VWF: variants seen among roughly 807,000 people sequenced by gnomAD.
VWF encodes von Willebrand factor.
VWF carries 176 observed loss-of-function variants against 308.6 expected under a neutral mutation model. The ratio of observed to expected loss-of-function variants is 0.57; its 90% confidence interval spans 0.50 to 0.65. The LOEUF is 0.65. VWF is among the 30% of genes least tolerant of loss of function. The pLI is 0.00. For synonymous variants in VWF, 1,385 were observed against 1,443.4 expected (o/e 0.96, Z 0.92); for missense variants, 3,146 against 3,648.2 (o/e 0.86, Z 3.55).
chr12:6,121,910 G>A (rs1161266367), intron 2 of VWF, among the ~76,000 whole-genome samples: 1 of 151,192 alleles, frequency 6.6e-6, no homozygotes, highest in African/African-American at 2.4e-5. Flanking sequence ...TAGACTGGGC[G>A]ACAGAGTGAG....
In VWF at chr12:6,023,690, T is replaced by C. The variant is rs267607319; in HGVS notation, c.3320A>G (p.Tyr1107Cys). 1 of 1,613,828 alleles carries C rather than the reference T, an allele frequency of 6.2e-7. No individual in the cohort carries two copies. The highest frequency in any genetic ancestry group is 1.3e-5 in the African/African-American group (1 of 74,936). Residue 1107 changes from tyrosine to cysteine, a missense_variant, in exon 25 of 52, where the codon TAT (tyrosine) becomes TGT (cysteine). Physicochemically the swap from Tyr to Cys is radical, Grantham distance 194 (BLOSUM62 -2). This residue lies in a region of VWF where 853 missense variants were observed against 1,177.8 expected (regional missense o/e 0.72). Transcript: ENST00000261405. ...GCCATGCTGGGCACACACGTGGGCA[T>C]AGGCAGCAATGGTGTCGCAGAAGCA... ...CACFCDTIAA[Y>C]AHVCAQHGKV... is the part of the protein sequence containing the mutation.
intron 16 of VWF, among the ~76,000 whole-genome samples, chr12:6,051,901 C>T (rs1235110096): frequency 1.3e-5 from 2 of 152,192 alleles, no homozygotes; most frequent in African/African-American, 4.8e-5. Context: ...ATGTGAGCCA[C>T]TGCCCCAGCC....
At position 5,969,275 on chromosome 12, in the gene VWF, A is replaced by G. The variant is rs1205711223; in HGVS notation, c.7665T>C (p.Pro2555=). 1 of 1,614,084 alleles carries G rather than the reference A, an allele frequency of 6.2e-7. No homozygotes were observed. The highest frequency in any genetic ancestry group is 2.2e-5 in the East Asian group (1 of 44,894). ...RNVSCPQLEV[P]VCPSGFQLSC... ...TCAGCTGAAAGCCCGAGGGGCAGAC[A>G]GGGACCTCCAGCTGGGGGCAGGAGA... The change falls in exon 45 of 52, where the codon CCT becomes CCC. Residue 2555 remains proline, a synonymous_variant. Coordinates refer to ENST00000261405, the MANE Select transcript of VWF (RefSeq NM_000552.5).
chr12:6,019,065 G>C lies in VWF; in HGVS notation c.4353C>G (p.Asp1451Glu). The C allele has an allele frequency of 1.2e-6, 2 of 1,613,810 alleles. No homozygotes were observed. Among genetic ancestry groups the C allele is most frequent in the African/African-American group, 2.7e-5 (2 of 74,976 alleles). ...GGTCACAGAGGTAGCTAACGATCTC[G>C]TCCCTTTGCTGCTCCAGCTCATCCA... ...SSVDELEQQR[D>E]EIVSYLCDLA... Residue 1451 changes from aspartate (D) to glutamate (E), a missense_variant, in exon 28 of 52, where the codon GAC (aspartate) becomes GAG (glutamate). Coordinates refer to ENST00000261405, the MANE Select transcript of VWF (RefSeq NM_000552.5). This position sits in a 1 kb window ranked among gnomAD's most constrained non-coding sequence, Gnocchi z 5.8.
intron 38 of VWF, among the ~76,000 whole-genome samples, chr12:5,987,611 G>A (rs562601040): frequency 2.4e-4 from 36 of 152,310 alleles, no homozygotes; most frequent in African/African-American, 8.4e-4. Context: ...AAATCTGAAT[G>A]AGAAAAATAA....
chr12:5,990,079 T>C (rs1943720958), intron 38 of VWF, among the ~76,000 whole-genome samples: 2 of 152,216 alleles, frequency 1.3e-5, no homozygotes, highest in South Asian at 4.1e-4. Flanking sequence ...AGTAGGACTT[T>C]AGCTCATCTA....
intron 8 of VWF, 146 bp downstream of exon 8, chr12:6,073,473 A>C: frequency 8.9e-7 from 1 of 1,128,264 alleles, no homozygotes; most frequent in South Asian, 1.3e-5. Context: ...AATCCTGATC[A>C]CGCTGGACAA....
At chr12:5,956,284 A>C (rs1176807318) in intron 47 of VWF, among the ~76,000 whole-genome samples, 1 of 152,214 alleles carries the variant, frequency 6.6e-6, no homozygotes, top group East Asian at 1.9e-4. Flanking sequence ...TAAAAATATA[A>C]AAAGTTAACT....
intron 7 of VWF, 143 bp from the exon 8 acceptor site, chr12:6,073,884 G>T (rs1163895614): frequency 1.4e-5 from 18 of 1,284,822 alleles, no homozygotes; most frequent in Non-Finnish European, 2.0e-5. Flanking sequence ...CTCACCCCCA[G>T]TGAGCCACGT....
intron 6 of VWF, among the ~76,000 whole-genome samples, chr12:6,085,682 G>T (rs1944960157): frequency 6.7e-6 from 1 of 150,350 alleles, no homozygotes; most frequent in South Asian, 2.1e-4. Context: ...ATGGACACAG[G>T]GAGGGGAACA....
intron 8 of VWF, among the ~76,000 whole-genome samples, chr12:6,072,964 T>G (rs887660710): frequency 6.6e-6 from 1 of 152,016 alleles, no homozygotes; most frequent in African/African-American, 2.4e-5. Context: ...CCGCCTGGGT[T>G]CAAGTGATTC....
chr12:6,124,267 A>G (rs1309527806), intron 1 of VWF, among the ~76,000 whole-genome samples, 154 bp downstream of exon 1: 2 of 152,166 alleles, frequency 1.3e-5, no homozygotes, highest in Non-Finnish European at 2.9e-5. Context: ...TGGAGGAGGG[A>G]GTATTAGGAT....
intron 5 of VWF, among the ~76,000 whole-genome samples, chr12:6,099,434 A>G (rs1034506452): frequency 1.3e-5 from 2 of 152,086 alleles, no homozygotes; most frequent in South Asian, 2.1e-4. Flanking sequence ...GAAAGCCCTC[A>G]TATGGATTTG....
rs1353200453 is a variant in VWF, at chr12:6,121,181, C to T, written c.213G>A (p.Ser71=). The T allele has an allele frequency of 5.0e-6, 8 of 1,614,160 alleles. 1 individual carries two copies. The East Asian group carries it at 6.7e-5, about 13-fold the overall frequency. Residue 71 remains serine, a synonymous_variant, in exon 3 of 52, where the codon TCG becomes TCA. Transcript: ENST00000261405. The part of the protein sequence containing the change: ...LAGGCQKRSF[S]IIGDFQNGKR... ...GCAGTGCCCAGAACTCACCAATAAT[C>T]GAGAAGGAGCGTTTCTGGCAGCCCC...
At chr12:6,006,492 A>G (rs1354180158) in intron 34 of VWF, among the ~76,000 whole-genome samples, 2 of 152,186 alleles carry the variant, frequency 1.3e-5, no homozygotes, top group African/African-American at 4.8e-5. Flanking sequence ...AAATAAAATA[A>G]AACAGCCAGG....
rs139155319 is a variant in VWF, at chr12:6,011,351, A to G, written c.5842+266T>C. Among the ~76,000 whole-genome samples the G allele has an allele frequency of 6.3e-4, 96 of 152,370 alleles. 1 individual carries two copies. In the East Asian group the frequency reaches 0.017, roughly 27 times the overall value. On this transcript the variant is annotated intron_variant, in intron 34 of 51. Coordinates refer to ENST00000261405, the MANE Select transcript of VWF (RefSeq NM_000552.5). ...CAGCCAAGCTGAGCATTGACCTCAG[A>G]AAAGCAATTCTTCCTTCCAGTTATG... is the stretch of plus-strand genomic sequence containing the variant.
At chr12:5,993,731 G>T in intron 37 of VWF, 131 bp downstream of exon 37, 1 of 761,638 alleles carries the variant, frequency 1.3e-6, no homozygotes, top group Non-Finnish European at 2.2e-6. Flanking sequence ...GATCCTAACT[G>T]GAATCCCAGG....
chr12:6,111,043 T>A, intron 3 of VWF, 75 bp from the exon 4 acceptor site: 1 of 1,367,360 alleles, frequency 7.3e-7, no homozygotes, highest in Non-Finnish European at 1.0e-6. Flanking sequence ...AGAATCATTA[T>A]CTACGTAACC....
In VWF at chr12:6,025,919, G is replaced by A. The variant is rs531867007; in HGVS notation, c.3095C>T (p.Ala1032Val). 29 of 1,613,990 alleles carry A rather than the reference G, an allele frequency of 1.8e-5. No homozygotes were observed. The South Asian group carries it at 3.0e-4, about 16-fold the overall frequency. The change falls in exon 23 of 52, where the codon GCT becomes GTT. Residue 1032 changes from alanine to valine, a missense_variant. Ala to Val is a moderately conservative substitution (Grantham distance 64, BLOSUM62 0). Around this residue, in one of 3 missense-constraint regions of VWF, gnomAD observed 853 missense variants for 1,177.8 expected, o/e 0.72. Transcript: ENST00000261405. Reference protein sequence around the residue: ...GNSWKVSSQCADTRKVPLDSS... With the variant: ...GNSWKVSSQCVDTRKVPLDSS... ...ACCCAGACGTACTTTTCTGGTGTCA[G>A]CACACTGCGAGCTCACTTTCCAGGA...
Sources: gnomAD v4.1 joint callset for allele counts (sites outside exome capture counted in the v4.1 genomes callset) on GRCh38, gnomAD v4.1.1 for gene constraint, gnomAD v4.1.1 regional missense constraint, Gnocchi (gnomAD v3.1) non-coding constraint, MANE v1.5 for transcripts, NCBI Gene and HGNC (gene_info 2026-07-23, HGNC 2026-07-21) for gene names.